The following OTOF variants were observed in gnomAD, a reference collection of about 807,000 sequenced individuals.
OTOF encodes the protein otoferlin.
A neutral mutation model predicts 236.8 loss-of-function variants in OTOF; 218 were observed. That is an observed-to-expected ratio of 0.92 (90% confidence interval 0.82 to 1.03). The LOEUF (loss-of-function observed/expected upper bound fraction) is 1.03, where lower values mean the gene tolerates loss of function less well. OTOF is among the 50% of genes least tolerant of loss of function. OTOF has a pLI of 0.00. For synonymous variants in OTOF, 1,041 were observed against 1,072.5 expected, an observed-to-expected ratio of 0.97 and a Z score of 0.57; for missense variants, 2,590 against 2,694.4, an observed-to-expected ratio of 0.96 and a Z score of 0.86.
At chr2:26,525,697 G>A (rs1666784899) in intron 3 of OTOF, among the ~76,000 whole-genome samples, 1 of 152,102 alleles carries the variant, frequency 6.6e-6, no homozygotes, top group Admixed American at 6.5e-5. Context: ...AAGAATGAAA[G>A]GATGGATGAA....
intron 1 of OTOF, among the ~76,000 whole-genome samples, chr2:26,552,164 C>A (rs1046295209): frequency 5.3e-5 from 8 of 150,882 alleles, no homozygotes; most frequent in East Asian, 1.9e-4. Flanking sequence ...CTGAGCCAGG[C>A]AGCTCACATG....
chr2:26,510,112 C>T (rs940194629), intron 5 of OTOF, among the ~76,000 whole-genome samples: 2 of 152,198 alleles, frequency 1.3e-5, no homozygotes, highest in Admixed American at 1.3e-4. Flanking sequence ...CAGGACCCTT[C>T]TCCTGTCCTC....
intron 11 of OTOF, among the ~76,000 whole-genome samples, 191 bp from the exon 12 acceptor site, chr2:26,484,824 G>A (rs1414654547): frequency 6.6e-6 from 1 of 152,246 alleles, no homozygotes; most frequent in Non-Finnish European, 1.5e-5. Context: ...AGCTGGGGCA[G>A]TGGGTGCATG....
At chr2:26,526,348 T>C (rs1666803924) in intron 3 of OTOF, among the ~76,000 whole-genome samples, 1 of 150,446 alleles carries the variant, frequency 6.6e-6, no homozygotes, top group Non-Finnish European at 1.5e-5. Context: ...GGTGGATAAA[T>C]GAATTGATAA....
chr2:26,482,842 T>C (rs1007964238), intron 13 of OTOF, among the ~76,000 whole-genome samples: 1 of 145,906 alleles, frequency 6.9e-6, no homozygotes, highest in African/African-American at 2.6e-5. Context: ...AGTGGGTGCA[T>C]GTGTGCGTGA....
At chr2:26,521,017 C>T (rs1040280835) in intron 3 of OTOF, among the ~76,000 whole-genome samples, 2 of 152,140 alleles carry the variant, frequency 1.3e-5, no homozygotes, top group Non-Finnish European at 2.9e-5. Flanking sequence ...TAAATACTCC[C>T]GCCATGGCCA....
rs1045899801 is a variant in OTOF, at chr2:26,458,302, C to T, written c.*18-82G>A. 1.6e-5 allele frequency: 22 copies of T among 1,396,360 alleles called. No homozygotes were observed. In the Admixed American group the frequency reaches 4.1e-4, roughly 26 times the overall value. The allele number at this position is 1,396,360 out of a possible 1,614,324, so 86.5% of individuals were successfully genotyped here. ...CACCCCATCCTCTGTCCTTCTGGACCCCCAAAAGCCCTGCCATGGCCCCAG... is the reference window on the plus strand; with the variant it reads ...CACCCCATCCTCTGTCCTTCTGGACTCCCAAAAGCCCTGCCATGGCCCCAG... On this transcript the variant is annotated intron_variant, in intron 46 of 46. Transcript: ENST00000272371.
At chr2:26,469,141 A>G (rs1365323868) in intron 32 of OTOF, among the ~76,000 whole-genome samples, 1 of 152,234 alleles carries the variant, frequency 6.6e-6, no homozygotes, top group East Asian at 1.9e-4. Context: ...TTTTAGTGAT[A>G]TTAATAAATT....
intron 46 of OTOF, among the ~76,000 whole-genome samples, chr2:26,458,529 G>A (rs949587047): frequency 8.5e-5 from 13 of 152,204 alleles, no homozygotes; most frequent in African/African-American, 2.9e-4. Flanking sequence ...CGGTTAGCTC[G>A]TTCTATGTGC....
At position 26,473,854 on chromosome 2, in the gene OTOF, G is replaced by T; in HGVS notation, c.3408+137C>A. 8.4e-7 allele frequency: 1 copy of T among 1,196,906 alleles called. No homozygotes were observed. 74.1% of individuals were successfully genotyped at this position (1,196,906 alleles called of 1,614,324 possible). A position where few individuals can be genotyped will look rare whatever the true frequency, so the allele number is the denominator to read the frequency against. ...TGCGACTTGGTGCAGATGGGGGCAGGCCCTGGGCTGGGGCAGGAGCCTGGG... is the reference window on the plus strand; with the variant it reads ...TGCGACTTGGTGCAGATGGGGGCAGTCCCTGGGCTGGGGCAGGAGCCTGGG... On this transcript the variant is annotated intron_variant, in intron 27 of 46. Transcript: ENST00000272371. The surrounding 1 kb of genome is among the most constrained non-coding windows in gnomAD (Gnocchi z 7.2).
chr2:26,538,667 C>A (rs941658447), intron 1 of OTOF, among the ~76,000 whole-genome samples: 8 of 152,130 alleles, frequency 5.3e-5, no homozygotes, highest in African/African-American at 1.4e-4. Flanking sequence ...GAGAAACAGC[C>A]GCTGGAGTCT....
chr2:26,519,022 A>G lies in OTOF; in HGVS notation c.315T>C (p.Asn105=). 1.2e-6 allele frequency: 2 copies of G among 1,608,210 alleles called. No individual in the cohort carries two copies. The highest frequency in any genetic ancestry group is 2.2e-5 in the South Asian group (2 of 90,076). The change falls in exon 4 of 47, where the codon AAT becomes AAC. Residue 105 remains asparagine, a synonymous_variant. Coordinates refer to ENST00000272371, the MANE Select transcript of OTOF (RefSeq NM_194248.3). ...GGGGCATACCCACCTTGATGATAGC[A>G]TTGTTGTCATCAATCAGCGTGTCAG... ...EVTDTLIDDN[N]AIIKTSLCVE... is the part of the protein sequence containing the mutation.
At chr2:26,489,373 C>G (rs2148066623) in intron 10 of OTOF, 78 bp from the exon 11 acceptor site, 1 of 1,162,106 alleles carries the variant, frequency 8.6e-7, no homozygotes, top group South Asian at 1.3e-5. Flanking sequence ...GGGACCCGAG[C>G]TTTGTGGTGA....
At chr2:26,545,535 T>C (rs1231593398) in intron 1 of OTOF, among the ~76,000 whole-genome samples, 1 of 152,112 alleles carries the variant, frequency 6.6e-6, no homozygotes. Context: ...CCAAAGAGAG[T>C]TTCCAATTTT....
In OTOF at chr2:26,475,316, G is replaced by A. The variant is rs767939135; in HGVS notation, c.3126+43C>T. 1.9e-6 allele frequency: 3 copies of A among 1,609,156 alleles called. No individual in the cohort carries two copies. The South Asian group carries it at 3.3e-5, about 18-fold the overall frequency. On this transcript the variant is annotated intron_variant, in intron 25 of 46. Coordinates refer to ENST00000272371, the MANE Select transcript of OTOF (RefSeq NM_194248.3). Reference sequence around the variant, plus strand: ...GTGGAGTGCAGGGAACAAGGGCCAGGTGTGGTGCTGCTGGGGTCCCTGGCA... The same window carrying A: ...GTGGAGTGCAGGGAACAAGGGCCAGATGTGGTGCTGCTGGGGTCCCTGGCA...
chr2:26,478,865 A>G (rs1665435582), intron 18 of OTOF, among the ~76,000 whole-genome samples: 1 of 152,040 alleles, frequency 6.6e-6, no homozygotes, highest in South Asian at 2.1e-4. Context: ...AGCCCCGCTA[A>G]TTTTTGCATT....
Position 26,466,807 on chromosome 2 carries a change from G to A in OTOF, c.4407C>T (p.Ser1469=). 2.5e-6 allele frequency: 4 copies of A among 1,614,204 alleles called. No individual in the cohort carries two copies. Among genetic ancestry groups the A allele is most frequent in the Non-Finnish European group, 3.4e-6 (4 of 1,180,036 alleles). ...VYKVPLPEDV[S]REAGYDSTYG... ...AGGTGGAGTCGTAGCCGGCTTCCCG[G>A]GACACGTCCTCTGGGAGTGGCACTT... The change falls in exon 36 of 47, where the codon TCC becomes TCT. Residue 1469 remains serine (S), a synonymous_variant. Transcript: ENST00000272371.
rs764078645 is a variant in OTOF, at chr2:26,463,499, G to A, written c.5176C>T (p.Pro1726Ser). The A allele has an allele frequency of 3.1e-6, 5 of 1,606,252 alleles. No homozygotes were observed. Among genetic ancestry groups the A allele is most frequent in the South Asian group, 1.1e-5 (1 of 89,064 alleles). Reference sequence around the variant, plus strand: ...GCCGCTCACTTCTTGGGCTTCCGAGGTGAGATGTCCAGAGGCGTCCCAGGG... The same window carrying A: ...GCCGCTCACTTCTTGGGCTTCCGAGATGAGATGTCCAGAGGCGTCCCAGGG... ...PAPGTPLDISPRKPKKYELRV... is the reference protein window; with the variant it reads ...PAPGTPLDISSRKPKKYELRV... Residue 1726 changes from proline to serine, a missense_variant, in exon 41 of 47, where the codon CCT becomes TCT. Transcript: ENST00000272371.
rs1013936717 is a variant in OTOF at position 26,510,628 on chromosome 2, C to T, written c.509+5790G>A. 39 of 973,996 alleles carry T rather than the reference C, an allele frequency of 4.0e-5. No individual in the cohort carries two copies. In the African/African-American group the frequency reaches 5.5e-4, roughly 14 times the overall value. 60.3% of individuals were successfully genotyped at this position (973,996 alleles called of 1,614,324 possible). A position where few individuals can be genotyped will look rare whatever the true frequency, so the allele number is the denominator to read the frequency against. On this transcript the variant is annotated intron_variant, in intron 5 of 46. Coordinates refer to ENST00000272371, the MANE Select transcript of OTOF (RefSeq NM_194248.3). Reference sequence around the variant, plus strand: ...AGCCCTCTCAGCCGAGCCCATCCCGCCCTCCACAGCCTGTGGGGAGGAGGC... The same window carrying T: ...AGCCCTCTCAGCCGAGCCCATCCCGTCCTCCACAGCCTGTGGGGAGGAGGC...
Sources: gnomAD v4.1 joint callset for allele counts (sites outside exome capture counted in the v4.1 genomes callset) on GRCh38, gnomAD v4.1.1 for gene constraint, Gnocchi (gnomAD v3.1) non-coding constraint, MANE v1.5 for transcripts, NCBI Gene and HGNC (gene_info 2026-07-23, HGNC 2026-07-21) for gene names.